Variants in KIF9 observed in about 807,000 individuals in gnomAD.
The protein encoded by KIF9 is kinesin-like protein KIF9.
In KIF9, 68 loss-of-function variants were observed where a neutral mutation model predicts 94.8. The ratio of observed to expected loss-of-function variants is 0.72; its 90% confidence interval spans 0.59 to 0.88. KIF9 has a LOEUF of 0.88. Ranked by LOEUF, KIF9 falls within the 40% of genes least tolerant of loss-of-function variation. KIF9 has a pLI of 0.00. For synonymous variants in KIF9, 343 were observed against 362.1 expected (o/e 0.95, Z 0.60); for missense variants, 882 against 982.5 (o/e 0.90, Z 1.37).
intron 10 of KIF9, among the ~76,000 whole-genome samples, chr3:47,255,733 CTCTCCCTCTCCCCACGG>C (rs576136639): frequency 0.025 from 3,727 of 151,202 alleles, 54 homozygotes; most frequent in Middle Eastern, 0.051. Flanking sequence ...CTCCCTCTCC[CTCTCCCTCTCCCCACGG>C]TCTCCCTCTC....
At chr3:47,234,091 C>G (rs900841076) in intron 20 of KIF9, among the ~76,000 whole-genome samples, 4 of 151,434 alleles carry the variant, frequency 2.6e-5, no homozygotes, top group East Asian at 1.9e-4. Flanking sequence ...CCCACCCCCC[C>G]CAAAAAAAAG....
rs1698457185 is a variant in KIF9, at chr3:47,230,218, C to A, written c.2323-1516G>T. 2.0e-5 allele frequency among the ~76,000 whole-genome samples: 3 copies of A among 148,618 alleles called. No individual in the cohort carries two copies. In the Admixed American group the frequency reaches 2.0e-4, roughly 10 times the overall value. On this transcript the variant is annotated intron_variant, in intron 20 of 20. Coordinates refer to ENST00000684063, the MANE Select transcript of KIF9 (RefSeq NM_182902.4). ...GCTTGAGCCCAGGATATCAAGACTGCAGTGAGCTATGATCGTGTCACTGCA... is the reference window on the plus strand; with the variant it reads ...GCTTGAGCCCAGGATATCAAGACTGAAGTGAGCTATGATCGTGTCACTGCA...
rs1305894282 is a variant in KIF9, at chr3:47,280,979, G to T, written c.-6+1516C>A. On this transcript the variant is annotated intron_variant, in intron 1 of 20. Transcript: ENST00000684063. ...AAATACTGCTTGTTACCATTCTTACGTCGCTTCATTTGAGTGGGTTTCAGT... is the reference window on the plus strand; with the variant it reads ...AAATACTGCTTGTTACCATTCTTACTTCGCTTCATTTGAGTGGGTTTCAGT... The T allele has an allele frequency of 4.3e-6, 3 of 702,996 alleles. No individual in the cohort carries two copies. In the South Asian group the frequency reaches 4.4e-5, roughly 10 times the overall value. 43.5% of individuals were successfully genotyped at this position (702,996 alleles called of 1,614,324 possible). A position where few individuals can be genotyped will look rare whatever the true frequency, so the allele number is the denominator to read the frequency against.
chr3:47,270,965 C>A (rs1441851034), intron 5 of KIF9, among the ~76,000 whole-genome samples: 8 of 120,644 alleles, frequency 6.6e-5, no homozygotes, highest in Non-Finnish European at 1.7e-5. Flanking sequence ...ATGGCCAGAC[C>A]TTGTCTCTAC....
intron 5 of KIF9, 103 bp from the exon 6 acceptor site, chr3:47,267,366 T>C: frequency 1.1e-5 from 9 of 823,358 alleles, no homozygotes; most frequent in Non-Finnish European, 1.9e-5. Flanking sequence ...TGGTCTCATA[T>C]CACTGCGATC....
rs1698314212 is a variant in KIF9, at chr3:47,228,398, A to G, written c.*254T>C. On this transcript the variant is annotated 3_prime_UTR_variant, in exon 21 of 21. Coordinates refer to ENST00000684063, the MANE Select transcript of KIF9 (RefSeq NM_182902.4). Reference sequence around the variant, plus strand: ...GACAAAGTTCTCAGATGAGCACTGAAAGTCCAAACTAGAAAGTTATTTTAT... The same window carrying G: ...GACAAAGTTCTCAGATGAGCACTGAGAGTCCAAACTAGAAAGTTATTTTAT... 1 of 477,426 alleles carries G rather than the reference A, an allele frequency of 2.1e-6. No individual in the cohort carries two copies. Among genetic ancestry groups the G allele is most frequent in the South Asian group, 2.7e-5 (1 of 37,082 alleles). The allele number at this position is 477,426 out of a possible 1,614,324, so 29.6% of individuals were successfully genotyped here. A position where few individuals can be genotyped will look rare whatever the true frequency, so the allele number is the denominator to read the frequency against.
At chr3:47,244,606 C>G (rs1303469597) in intron 15 of KIF9, 185 bp downstream of exon 15, 1 of 685,170 alleles carries the variant, frequency 1.5e-6, no homozygotes, top group African/African-American at 1.8e-5. Flanking sequence ...AGAGATGATT[C>G]TTGTGCGGTT....
At chr3:47,237,125 C>T (rs1484961126) in intron 17 of KIF9, among the ~76,000 whole-genome samples, 2 of 152,142 alleles carry the variant, frequency 1.3e-5, no homozygotes, top group Non-Finnish European at 2.9e-5. Flanking sequence ...GATGGAGTCT[C>T]GCCTTGTTGC....
At chr3:47,258,593 G>A (rs1700763951) in intron 9 of KIF9, among the ~76,000 whole-genome samples, 1 of 152,150 alleles carries the variant, frequency 6.6e-6, no homozygotes, top group Non-Finnish European at 1.5e-5. Context: ...CTTTGGTGCT[G>A]TTCTCATGGT....
At chr3:47,240,058 G>T in intron 17 of KIF9, 1 of 652,204 alleles carries the variant, frequency 1.5e-6, no homozygotes, top group Non-Finnish European at 2.3e-6. Context: ...ACCACTGGCT[G>T]AGGGGCTGGG....
chr3:47,239,830 A>G lies in KIF9; in HGVS notation c.1924+971T>C, dbSNP rs367567135. On this transcript the variant is annotated intron_variant, in intron 17 of 20. Transcript: ENST00000684063. ...CTGACTTGCAGGAATAAACCAAGTG[A>G]CATCTGGAGATCACTCATGGAAGCT... 7.4e-5 allele frequency: 101 copies of G among 1,367,728 alleles called. No individual in the cohort carries two copies. The African/African-American group carries it at 1.4e-3, about 19-fold the overall frequency. 84.7% of individuals were successfully genotyped at this position (1,367,728 alleles called of 1,614,324 possible). A position where few individuals can be genotyped will look rare whatever the true frequency, so the allele number is the denominator to read the frequency against.
intron 20 of KIF9, among the ~76,000 whole-genome samples, chr3:47,229,407 C>T (rs971849239): frequency 6.6e-6 from 1 of 152,112 alleles, no homozygotes; most frequent in Non-Finnish European, 1.5e-5. Flanking sequence ...CAATCAAACA[C>T]AAGGTCACGA....
chr3:47,261,418 C>T (rs954702239), intron 9 of KIF9, among the ~76,000 whole-genome samples: 4 of 152,196 alleles, frequency 2.6e-5, no homozygotes, highest in African/African-American at 7.2e-5. Context: ...GGCCCAGATG[C>T]CATGCCTCAT....
intron 14 of KIF9, 66 bp from the exon 15 acceptor site, chr3:47,244,990 C>A (rs368229234): frequency 1.9e-6 from 3 of 1,591,962 alleles, no homozygotes; most frequent in Middle Eastern, 3.5e-4. Flanking sequence ...TGGGGACCCA[C>A]ATGTATATGG....
intron 9 of KIF9, among the ~76,000 whole-genome samples, chr3:47,259,006 G>A (rs1280322612): frequency 5.9e-5 from 9 of 152,270 alleles, no homozygotes; most frequent in South Asian, 2.1e-4. Context: ...CCTGAGCAGC[G>A]TCTGCTCAAA....
chr3:47,267,770 A>G (rs1216906461), intron 5 of KIF9, among the ~76,000 whole-genome samples: 2 of 151,874 alleles, frequency 1.3e-5, no homozygotes, highest in Non-Finnish European at 2.9e-5. Flanking sequence ...GTTGGGGTTT[A>G]TAGGTTATTT....
At chr3:47,276,167 A>G (rs1701953035) in intron 2 of KIF9, among the ~76,000 whole-genome samples, 1 of 152,196 alleles carries the variant, frequency 6.6e-6, no homozygotes. Context: ...CTTCTTGATG[A>G]GAACTTCTGA....
Position 47,267,187 on chromosome 3 carries a change from T to A in KIF9, c.668A>T (p.Tyr223Phe), listed in dbSNP as rs534858181. The A allele has an allele frequency of 6.2e-7, 1 of 1,612,990 alleles. No homozygotes were observed. Among genetic ancestry groups the A allele is most frequent in the Non-Finnish European group, 8.5e-7 (1 of 1,179,060 alleles). Reference sequence around the variant, plus strand: ...CAAAGAGCTTGCACCTACCTCTAAGTAGATGGTGAAAATGCAGTGTGATCT... The same window carrying A: ...CAAAGAGCTTGCACCTACCTCTAAGAAGATGGTGAAAATGCAGTGTGATCT... ...SSRSHCIFTI[Y>F]LEAHSRTLSE... is the part of the protein sequence containing the mutation. The change falls in exon 6 of 21, where the codon TAC becomes TTC. Residue 223 changes from tyrosine (Y) to phenylalanine (F), a missense_variant. Tyr to Phe is a conservative substitution (Grantham distance 22, BLOSUM62 3). Coordinates refer to ENST00000684063, the MANE Select transcript of KIF9 (RefSeq NM_182902.4).
At chr3:47,264,374 G>C in intron 8 of KIF9, 24 bp from the exon 9 acceptor site, 1 of 1,599,034 alleles carries the variant, frequency 6.3e-7, no homozygotes, top group Non-Finnish European at 8.6e-7. Flanking sequence ...GACACAGAAG[G>C]GCTATGAACC....
Sources: allele counts gnomAD v4.1 joint callset (sites outside exome capture counted in the v4.1 genomes callset), GRCh38; gene constraint gnomAD v4.1.1; transcripts MANE v1.5; gene names NCBI Gene and HGNC (gene_info 2026-07-23, HGNC 2026-07-21).